Variants in GRIN2D observed in about 807,000 individuals in gnomAD.
The protein encoded by GRIN2D is glutamate receptor ionotropic, NMDA 2D.
A neutral mutation model predicts 103.2 loss-of-function variants in GRIN2D; 37 were observed. That is an observed-to-expected ratio of 0.36 (90% CI 0.28 to 0.47). The LOEUF (loss-of-function observed/expected upper bound fraction) is 0.47, where lower values mean the gene tolerates loss of function less well. GRIN2D is among the 20% of genes least tolerant of loss of function. The pLI is 1.00. For missense variants in GRIN2D, 1,557 were observed against 1,910.6 expected (o/e 0.81, Z 3.45); for synonymous variants, 845 against 885.6 (o/e 0.95, Z 0.81).
chr19:48,422,045 G>A (rs1385721492), intron 11 of GRIN2D, 100 bp downstream of exon 11: 2 of 1,244,902 alleles, frequency 1.6e-6, no homozygotes, highest in East Asian at 2.4e-5. Context: ...CAGTCCCAGA[G>A]GTCAGCCCTG....
At chr19:48,412,483 G>A (rs866934741) in intron 4 of GRIN2D, among the ~76,000 whole-genome samples, 32 of 129,002 alleles carry the variant, frequency 2.5e-4, no homozygotes, top group East Asian at 5.1e-4. Context: ...GAAAGAAAGA[G>A]AGAGAAAGAA....
intron 11 of GRIN2D, 76 bp from the exon 12 acceptor site, chr19:48,441,693 G>A: frequency 8.2e-7 from 1 of 1,214,670 alleles, no homozygotes; most frequent in Non-Finnish European, 1.2e-6. Flanking sequence ...GGAGGTTACA[G>A]GTGAGGAGGT....
Position 48,443,689 on chromosome 19 carries a change from C to T in GRIN2D, c.3763C>T (p.Arg1255Cys), listed in dbSNP as rs1014432133. 1.6e-6 allele frequency: 2 copies of T among 1,230,932 alleles called. No individual in the cohort carries two copies. The highest frequency in any genetic ancestry group is 2.0e-6 in the Non-Finnish European group (2 of 990,138). The allele number at this position is 1,230,932 out of a possible 1,614,324, so 76.3% of individuals were successfully genotyped here. The change falls in exon 14 of 14, where the codon CGC becomes TGC. Residue 1255 changes from arginine (R) to cysteine (C), a missense_variant. By Grantham distance (180) the Arg-to-Cys change is radical. Coordinates refer to ENST00000263269, the MANE Select transcript of GRIN2D (RefSeq NM_000836.4). This position sits in a 1 kb window ranked among gnomAD's most constrained non-coding sequence, Gnocchi z 8.9. ...CGCGCCCCACCACCACAGGCACCGG[C>T]GCGCCGCTGGGGGCTGGGACCTCCC... ...AAAPHHHRHR[R>C]AAGGWDLPPP... is the part of the protein sequence containing the mutation.
At chr19:48,404,010 C>T (rs944338479) in intron 3 of GRIN2D, among the ~76,000 whole-genome samples, 2 of 152,134 alleles carry the variant, frequency 1.3e-5, no homozygotes, top group Non-Finnish European at 2.9e-5. Context: ...GAGGCCAAAG[C>T]GGGTGGATCA....
At chr19:48,437,695 C>T (rs1420573354) in intron 11 of GRIN2D, among the ~76,000 whole-genome samples, 1 of 152,150 alleles carries the variant, frequency 6.6e-6, no homozygotes, top group African/African-American at 2.4e-5. Context: ...CCCTTCTATC[C>T]CTAACTCTAG....
At chr19:48,402,772 G>C (rs1970733862) in intron 3 of GRIN2D, among the ~76,000 whole-genome samples, 1 of 73,066 alleles carries the variant, frequency 1.4e-5, no homozygotes, top group Non-Finnish European at 2.6e-5. Flanking sequence ...TTACGAGAGA[G>C]AGAGAGAGAG....
intron 2 of GRIN2D, among the ~76,000 whole-genome samples, chr19:48,397,002 A>G (rs1468166313): frequency 2.0e-5 from 3 of 152,086 alleles, no homozygotes; most frequent in African/African-American, 7.2e-5. Context: ...CAACCACCCC[A>G]GGCGGCTAGT....
intron 11 of GRIN2D, among the ~76,000 whole-genome samples, chr19:48,435,844 T>C (rs898543093): frequency 1.3e-5 from 2 of 152,260 alleles, no homozygotes; most frequent in Non-Finnish European, 2.9e-5. Context: ...CCCTGCCTCA[T>C]GGAACTTAAA....
chr19:48,400,997 GCGGAGGTTGCAGTGAGC>G (rs1307615758), intron 3 of GRIN2D, among the ~76,000 whole-genome samples: 2 of 151,798 alleles, frequency 1.3e-5, no homozygotes, highest in Admixed American at 6.6e-5. Context: ...AACCTGGGAG[GCGGAGGTTGCAGTGAGC>G]CGAGATTGCA....
At chr19:48,401,266 A>G (rs7246448) in intron 3 of GRIN2D, among the ~76,000 whole-genome samples, 5,916 of 148,692 alleles carry the variant, frequency 0.04, 166 homozygotes, top group Admixed American at 0.069. Context: ...AGGGGGGGGG[A>G]AAAAAAGAGA....
In GRIN2D at chr19:48,404,951, G is replaced by T; in HGVS notation, c.683G>T (p.Gly228Val). ...RGALTLDPGAGEAVLSAQLRS... is the reference protein window; with the variant it reads ...RGALTLDPGAVEAVLSAQLRS... ...GCGCTGACGCTGGACCCTGGGGCGG[G>T]CGAGGCCGTGCTCAGTGCCCAGCTC... is the stretch of plus-strand genomic sequence containing the variant. The change falls in exon 4 of 14, where the codon GGC becomes GTC. Residue 228 changes from glycine (G) to valine (V), a missense_variant. Gly to Val is a moderately radical substitution (Grantham distance 109). This residue lies in a region of GRIN2D where 490 missense variants were observed against 601.1 expected (regional missense o/e 0.82). Transcript: ENST00000263269. The T allele has an allele frequency of 6.2e-7, 1 of 1,612,596 alleles. No homozygotes were observed. Among genetic ancestry groups the T allele is most frequent in the Non-Finnish European group, 8.5e-7 (1 of 1,179,586 alleles).
chr19:48,432,610 C>T (rs1971171236), intron 11 of GRIN2D, among the ~76,000 whole-genome samples: 1 of 151,808 alleles, frequency 6.6e-6, no homozygotes. Flanking sequence ...TCCCGAGTAG[C>T]TTGGACTACA....
intron 11 of GRIN2D, 115 bp downstream of exon 11, chr19:48,422,060 G>A: frequency 9.6e-7 from 1 of 1,036,544 alleles, no homozygotes. Flanking sequence ...GCCCTGGGTG[G>A]GTCAGCTTGG....
intron 4 of GRIN2D, among the ~76,000 whole-genome samples, chr19:48,410,947 T>C (rs1970851389): frequency 6.6e-6 from 1 of 151,974 alleles, no homozygotes; most frequent in Admixed American, 6.6e-5. Flanking sequence ...TGATGTTGCA[T>C]AGTGAAGATA....
rs1307463116 is a variant in GRIN2D, at chr19:48,415,035, G to A, written c.1581+3G>A. The A allele has an allele frequency of 4.4e-6, 7 of 1,576,758 alleles. No individual in the cohort carries two copies. In the East Asian group the frequency reaches 1.4e-4, roughly 31 times the overall value. ...TCTGGAACGGCATGATCGGGGAGGTGAGGGGGCGGACGGGAGGCGGGGAAT... is the reference window on the plus strand; with the variant it reads ...TCTGGAACGGCATGATCGGGGAGGTAAGGGGGCGGACGGGAGGCGGGGAAT... On this transcript the variant is annotated splice_donor_region_variant and intron_variant, in intron 7 of 13. Transcript: ENST00000263269.
intron 4 of GRIN2D, among the ~76,000 whole-genome samples, chr19:48,412,487 GAA>G (rs1416608454): frequency 6.8e-6 from 1 of 147,752 alleles, no homozygotes; most frequent in Non-Finnish European, 1.5e-5. Context: ...GAAAGAGAGA[GAA>G]AGAAAGAGGC....
intron 7 of GRIN2D, 32 bp from the exon 8 acceptor site, chr19:48,415,970 C>T (rs1261626882): frequency 1.9e-6 from 3 of 1,594,844 alleles, no homozygotes; most frequent in East Asian, 4.5e-5. Flanking sequence ...GAGCCGGGTT[C>T]CCCCGCCCAC....
In GRIN2D at chr19:48,405,308, A is replaced by G; in HGVS notation, c.1040A>G (p.Asp347Gly). 6.2e-7 allele frequency: 1 copy of G among 1,601,954 alleles called. No individual in the cohort carries two copies. Among genetic ancestry groups the G allele is most frequent in the Non-Finnish European group, 8.5e-7 (1 of 1,177,332 alleles). ...GGTTTCCTTCCTGAGCTCGGCCACG[A>G]CTGTCGCGCCCAGAACCGCACCCAC... ...DYGFLPELGH[D>G]CRAQNRTHRG... is the part of the protein sequence containing the mutation. The change falls in exon 4 of 14, where the codon GAC (aspartate) becomes GGC (glycine). Residue 347 changes from aspartate to glycine, a missense_variant. Coordinates refer to ENST00000263269, the MANE Select transcript of GRIN2D (RefSeq NM_000836.4). The surrounding 1 kb of genome is among the most constrained non-coding windows in gnomAD (Gnocchi z 5.1).
chr19:48,426,224 C>A (rs867519756), intron 11 of GRIN2D, among the ~76,000 whole-genome samples: 1 of 120,118 alleles, frequency 8.3e-6, no homozygotes, highest in African/African-American at 3.6e-5. Context: ...TTCTTTCTTT[C>A]TTTTTTTTTT....
Sources: allele counts gnomAD v4.1 joint callset (sites outside exome capture counted in the v4.1 genomes callset), GRCh38; gene constraint gnomAD v4.1.1; regional missense constraint gnomAD v4.1.1; non-coding constraint Gnocchi (gnomAD v3.1); transcripts MANE v1.5; gene names NCBI Gene and HGNC (gene_info 2026-07-23, HGNC 2026-07-21).